UNC79: variants seen among roughly 807,000 people sequenced by gnomAD.
UNC79 encodes unc-79 subunit of NALCN channel complex.
A neutral mutation model predicts 283.1 loss-of-function variants in UNC79; 37 were observed. The observed-to-expected ratio is 0.13, with a 90% CI of 0.10 to 0.17. UNC79 has a LOEUF of 0.17. Ranked by LOEUF, UNC79 falls within the 10% of genes least tolerant of loss-of-function variation. The probability of loss-of-function intolerance (pLI) is 1.00; values close to 1 mark genes in which losing one functional copy is unlikely to be tolerated. For synonymous variants in UNC79, 1,107 were observed against 1,200.2 expected (o/e 0.92, Z 1.61); for missense variants, 2,272 against 3,211.1 (o/e 0.71, Z 7.07).
At chr14:93,619,270 G>A (rs570299830) in intron 29 of UNC79, among the ~76,000 whole-genome samples, 1 of 152,218 alleles carries the variant, frequency 6.6e-6, no homozygotes, top group Non-Finnish European at 1.5e-5. Context: ...CCAGTTTAGG[G>A]TTTAGTCTCT....
At chr14:93,540,434 T>C (rs995288669) in intron 12 of UNC79, among the ~76,000 whole-genome samples, 17 of 152,194 alleles carry the variant, frequency 1.1e-4, no homozygotes, top group Admixed American at 4.6e-4. Context: ...CCTCAGTTTG[T>C]TCATCTTTGA....
chr14:93,336,932 GAA>G, intron 1 of UNC79, among the ~76,000 whole-genome samples: 1 of 152,222 alleles, frequency 6.6e-6, no homozygotes, highest in African/African-American at 2.4e-5. Flanking sequence ...GATCCCTCAT[GAA>G]TGGCTTCACA....
At chr14:93,462,468 G>C (rs767805229) in intron 1 of UNC79, among the ~76,000 whole-genome samples, 4 of 152,170 alleles carry the variant, frequency 2.6e-5, no homozygotes, top group Non-Finnish European at 5.9e-5. Flanking sequence ...AGTGGTTACT[G>C]TTTATGACTG....
chr14:93,347,433 C>T (rs2053877320), intron 1 of UNC79: 3 of 1,434,796 alleles, frequency 2.1e-6, no homozygotes, highest in Non-Finnish European at 2.7e-6. Flanking sequence ...GCGGGAAGCG[C>T]GTGGCCCTGG....
chr14:93,407,143 C>A (rs1341910786), intron 1 of UNC79, among the ~76,000 whole-genome samples: 2 of 152,136 alleles, frequency 1.3e-5, no homozygotes, highest in African/African-American at 4.8e-5. Flanking sequence ...TTAAGGCCCA[C>A]TCTAACCCAG....
At chr14:93,589,227 C>T (rs368344845) in intron 22 of UNC79, among the ~76,000 whole-genome samples, 75 of 151,974 alleles carry the variant, frequency 4.9e-4, no homozygotes, top group East Asian at 4.6e-3. Context: ...TAGGAGTGGA[C>T]GAGAGCAAAT....
chr14:93,344,300 C>T (rs1446307098), intron 1 of UNC79, among the ~76,000 whole-genome samples: 1 of 152,136 alleles, frequency 6.6e-6, no homozygotes, highest in Non-Finnish European at 1.5e-5. Flanking sequence ...CTAATATCGT[C>T]TTTCTTAAAG....
At chr14:93,435,294 C>G (rs1174549267) in intron 1 of UNC79, among the ~76,000 whole-genome samples, 1 of 152,202 alleles carries the variant, frequency 6.6e-6, no homozygotes, top group Non-Finnish European at 1.5e-5. Flanking sequence ...TCTTACATGA[C>G]TTCTCTGTAT....
intron 1 of UNC79, among the ~76,000 whole-genome samples, chr14:93,440,653 A>G (rs1283648133): frequency 6.6e-6 from 1 of 151,988 alleles, no homozygotes; most frequent in Non-Finnish European, 1.5e-5. Context: ...TATTTTCAAG[A>G]AATTCTGCAA....
At position 93,689,725 on chromosome 14, in the gene UNC79, G is replaced by T. The variant is rs372564219; in HGVS notation, c.7086-392G>T. 95 of 168,114 alleles carry T rather than the reference G, an allele frequency of 5.7e-4. 1 individual carries two copies. The East Asian group carries it at 0.014, about 24-fold the overall frequency. The allele number at this position is 168,114 out of a possible 1,614,324, so 10.4% of individuals were successfully genotyped here. ...GCTGATCTCGAACTCGTGACCTCAGGTGATCCACCCGCCTCAGCCTCCCAA... is the reference window on the plus strand; with the variant it reads ...GCTGATCTCGAACTCGTGACCTCAGTTGATCCACCCGCCTCAGCCTCCCAA... On this transcript the variant is annotated intron_variant, in intron 44 of 48. Coordinates refer to ENST00000555664, the Ensembl canonical transcript of UNC79.
At chr14:93,377,041 C>T (rs947896799) in intron 1 of UNC79, among the ~76,000 whole-genome samples, 2 of 150,314 alleles carry the variant, frequency 1.3e-5, no homozygotes, top group Non-Finnish European at 1.5e-5. Context: ...TAGCTGCACC[C>T]GAAGCAGTGC....
At chr14:93,613,531 C>T (rs1329250063) in intron 27 of UNC79, among the ~76,000 whole-genome samples, 4 of 151,496 alleles carry the variant, frequency 2.6e-5, no homozygotes, top group African/African-American at 9.7e-5. Context: ...TCTCCTGCCT[C>T]AGCCTCCCAA....
chr14:93,622,645 T>A, exon 30 of UNC79: 1 of 1,614,130 alleles, frequency 6.2e-7, no homozygotes. Flanking sequence ...AGAAGCCTGA[T>A]ACCAGTGCAG....
At position 93,637,759 on chromosome 14, in the gene UNC79, C is replaced by T. The variant is rs978648492; in HGVS notation, c.5800+460C>T. 5.3e-5 allele frequency among the ~76,000 whole-genome samples: 8 copies of T among 152,176 alleles called. 1 individual carries two copies. In the South Asian group the frequency reaches 1.7e-3, roughly 32 times the overall value. On this transcript the variant is annotated intron_variant, in intron 32 of 48. Coordinates refer to ENST00000555664, the Ensembl canonical transcript of UNC79. ...AGGCATGAGCCACCATGCCTGGCCT[C>T]TTCTATAATTTTTGGACATTGCTTA...
chr14:93,586,666 C>T (rs1230070411), exon 21 of UNC79: 1 of 1,613,596 alleles, frequency 6.2e-7, no homozygotes, highest in Non-Finnish European at 8.5e-7. Context: ...TAATATATAC[C>T]ATTTTCCAGG....
chr14:93,401,384 A>C (rs559781125), intron 1 of UNC79, among the ~76,000 whole-genome samples: 10 of 152,366 alleles, frequency 6.6e-5, no homozygotes, highest in African/African-American at 2.4e-4. Context: ...TTTAACTCAC[A>C]GTAATGATAG....
chr14:93,672,589 T>G (rs776917123), intron 40 of UNC79, among the ~76,000 whole-genome samples: 75 of 152,260 alleles, frequency 4.9e-4, no homozygotes, highest in South Asian at 1.0e-3. Flanking sequence ...TGAGTTCTAA[T>G]GTTCAATAGC....
At position 93,340,224 on chromosome 14, in the gene UNC79, C is replaced by T. The variant is rs111841484; in HGVS notation, c.-351+6701C>T. Among the ~76,000 whole-genome samples the T allele has an allele frequency of 3.2e-3, 484 of 152,182 alleles. 2 individuals carry two copies. Among genetic ancestry groups the T allele is most frequent in the Middle Eastern group, 0.014 (4 of 294 alleles). The stretch of plus-strand genomic sequence containing the variant: ...TTGGTAGGCCAAGGTGGGCGGATCG[C>T]GAGGTCAGGAGATCGAGACCATCCT... On this transcript the variant is annotated intron_variant, in intron 1 of 49. Transcript: ENST00000256339.
intron 8 of UNC79, among the ~76,000 whole-genome samples, chr14:93,525,728 G>C (rs191618308): frequency 1.3e-5 from 2 of 152,080 alleles, no homozygotes; most frequent in African/African-American, 4.8e-5. Flanking sequence ...GGGTCACCCA[G>C]ACATCAACAT....
Sources: gnomAD v4.1 joint callset for allele counts (sites outside exome capture counted in the v4.1 genomes callset) on GRCh38, gnomAD v4.1.1 for gene constraint, MANE v1.5 for transcripts, NCBI Gene and HGNC (gene_info 2026-07-23, HGNC 2026-07-21) for gene names.